KCNH7: variants seen among roughly 807,000 people sequenced by gnomAD.
KCNH7 encodes the protein potassium voltage-gated channel subfamily H member 7, also known as voltage-gated inwardly rectifying potassium channel KCNH7.
KCNH7 carries 49 observed loss-of-function variants against 120.8 expected under a neutral mutation model. That is an observed-to-expected ratio of 0.41 (90% CI 0.32 to 0.51). The LOEUF (loss-of-function observed/expected upper bound fraction) is 0.51, where lower values mean the gene tolerates loss of function less well. Ranked by LOEUF, KCNH7 falls within the 20% of genes least tolerant of loss-of-function variation. The probability of loss-of-function intolerance (pLI) is 0.38; values close to 1 mark genes in which losing one functional copy is unlikely to be tolerated. For missense variants in KCNH7, 1,097 were observed against 1,446.6 expected (o/e 0.76, Z 3.92); for synonymous variants, 547 against 516.1 (o/e 1.06, Z -0.81).
chr2:162,516,230 T>C (rs1691289882), intron 4 of KCNH7, among the ~76,000 whole-genome samples: 1 of 151,766 alleles, frequency 6.6e-6, no homozygotes, highest in Non-Finnish European at 1.5e-5. Flanking sequence ...CTGACAAGAA[T>C]GACAGACATA....
chr2:162,708,483 A>C (rs1686797035), intron 2 of KCNH7, among the ~76,000 whole-genome samples: 1 of 152,116 alleles, frequency 6.6e-6, no homozygotes, highest in Non-Finnish European at 1.5e-5. Flanking sequence ...TCTCTAGGGG[A>C]ACACCTCATC....
chr2:162,721,337 A>C (rs954141983), intron 2 of KCNH7, among the ~76,000 whole-genome samples: 1 of 152,322 alleles, frequency 6.6e-6, no homozygotes, highest in African/African-American at 2.4e-5. Context: ...TGGGTCAGCC[A>C]TGCTGGTAGC....
chr2:162,649,587 G>T (rs890883191), intron 2 of KCNH7, among the ~76,000 whole-genome samples: 1 of 151,964 alleles, frequency 6.6e-6, no homozygotes, highest in Non-Finnish European at 1.5e-5. Flanking sequence ...ATCTCAATAC[G>T]ACAATGGCAG....
chr2:162,567,280 T>A (rs1418028041), intron 2 of KCNH7, among the ~76,000 whole-genome samples: 6 of 152,004 alleles, frequency 3.9e-5, no homozygotes, highest in Non-Finnish European at 8.8e-5. Context: ...ACAAAAGAGA[T>A]CCCTCTTTTT....
chr2:162,589,628 A>G (rs1694137346), intron 2 of KCNH7, among the ~76,000 whole-genome samples: 1 of 151,884 alleles, frequency 6.6e-6, no homozygotes, highest in Admixed American at 6.6e-5. Flanking sequence ...TAGCTCCTCC[A>G]CTCCCCCAGC....
At chr2:162,607,220 C>CAAAAAAAAAA (rs34786286) in intron 2 of KCNH7, among the ~76,000 whole-genome samples, 7 of 111,950 alleles carry the variant, frequency 6.3e-5, no homozygotes, top group Non-Finnish European at 1.2e-4. Flanking sequence ...ACTAAAAATA[C>CAAAAAAAAAA]AAAAAAAAAA....
rs1688570250 is a variant in KCNH7, at chr2:162,446,246, T to G, written c.1326A>C (p.Arg442=). The G allele has an allele frequency of 6.2e-7, 1 of 1,613,732 alleles. No individual in the cohort carries two copies. Among genetic ancestry groups the G allele is most frequent in the Non-Finnish European group, 8.5e-7 (1 of 1,179,792 alleles). The change falls in exon 7 of 16, where the codon CGA becomes CGC. Residue 442 remains arginine (R), a synonymous_variant. Transcript: ENST00000332142. ...LLNDREEQKR[R]ECGYSCSPLN... ...AAGGGCTACAAGAATAGCCACATTC[T>G]CGTCTTTTCTGTTCTTCTCTGTCAT... is the stretch of plus-strand genomic sequence containing the variant.
rs78867538 is a variant in KCNH7 at position 162,412,762 on chromosome 2, G to A, written c.2154+10574C>T. 1.7e-3 allele frequency among the ~76,000 whole-genome samples: 266 copies of A among 152,218 alleles called. 3 individuals carry two copies. The highest frequency in any genetic ancestry group is 5.8e-3 in the African/African-American group (239 of 41,548). On this transcript the variant is annotated intron_variant, in intron 9 of 15. Transcript: ENST00000332142. ...TATAAAATGTAACTGTTTAATGACC[G>A]AAAGAGATTCTGTTTAAGTGTCGTA...
intron 8 of KCNH7, among the ~76,000 whole-genome samples, chr2:162,429,689 T>C (rs1688002491): frequency 6.6e-6 from 1 of 151,860 alleles, no homozygotes. Flanking sequence ...CCTTTGTATA[T>C]GATGTGTCAT....
intron 6 of KCNH7, among the ~76,000 whole-genome samples, chr2:162,465,474 C>T (rs1470421858): frequency 6.6e-6 from 1 of 152,114 alleles, no homozygotes; most frequent in Non-Finnish European, 1.5e-5. Context: ...ACTTATTATA[C>T]AGGCAATTGC....
At chr2:162,505,215 A>T (rs1574039736) in intron 5 of KCNH7, among the ~76,000 whole-genome samples, 1 of 152,094 alleles carries the variant, frequency 6.6e-6, no homozygotes, top group South Asian at 2.1e-4. Flanking sequence ...CAGATGAAGG[A>T]ATTACAGATA....
chr2:162,527,809 A>G (rs536447618), intron 3 of KCNH7: 20 of 152,130 alleles, frequency 1.3e-4, no homozygotes, highest in African/African-American at 4.6e-4. Flanking sequence ...CACTTTAAAA[A>G]TTACTATAAG....
chr2:162,601,394 T>C (rs1287826919), intron 2 of KCNH7, among the ~76,000 whole-genome samples: 1 of 140,822 alleles, frequency 7.1e-6, no homozygotes, highest in Non-Finnish European at 1.5e-5. Flanking sequence ...AAAGTACTTC[T>C]TGTGCTTTTT....
chr2:162,434,740 T>C (rs1202789088), intron 8 of KCNH7, among the ~76,000 whole-genome samples: 1 of 151,984 alleles, frequency 6.6e-6, no homozygotes, highest in East Asian at 1.9e-4. Context: ...CATACATATG[T>C]ATATGAAAGA....
chr2:162,653,306 T>C (rs1684631791), intron 2 of KCNH7, among the ~76,000 whole-genome samples: 1 of 152,226 alleles, frequency 6.6e-6, no homozygotes, highest in African/African-American at 2.4e-5. Flanking sequence ...TGAAATTAAG[T>C]TGTCTTGTTT....
intron 2 of KCNH7, among the ~76,000 whole-genome samples, chr2:162,577,329 CTGT>C (rs1693711015): frequency 8.4e-6 from 1 of 119,214 alleles, no homozygotes; most frequent in Non-Finnish European, 1.9e-5. Context: ...ATCTATCTAT[CTGT>C]CTATCATCTA....
chr2:162,585,450 G>A (rs1693995171), intron 2 of KCNH7, among the ~76,000 whole-genome samples: 1 of 150,722 alleles, frequency 6.6e-6, no homozygotes, highest in South Asian at 2.1e-4. Context: ...AATGGAACAT[G>A]TGCAAGTTTT....
At chr2:162,375,324 G>A (rs1047225579) in intron 14 of KCNH7, among the ~76,000 whole-genome samples, 12 of 152,260 alleles carry the variant, frequency 7.9e-5, no homozygotes, top group Admixed American at 6.5e-4. Flanking sequence ...AAAAATTATC[G>A]TGATGTTTTT....
intron 6 of KCNH7, among the ~76,000 whole-genome samples, chr2:162,501,790 A>G (rs891287099): frequency 6.6e-6 from 1 of 152,062 alleles, no homozygotes; most frequent in African/African-American, 2.4e-5. Flanking sequence ...GAAAGGTCCC[A>G]CCTCCAAATG....
Sources: gnomAD v4.1 joint callset for allele counts (sites outside exome capture counted in the v4.1 genomes callset) on GRCh38, gnomAD v4.1.1 for gene constraint, MANE v1.5 for transcripts, NCBI Gene and HGNC (gene_info 2026-07-23, HGNC 2026-07-21) for gene names.